The following CLVS1 variants were observed in gnomAD, a reference collection of about 807,000 sequenced individuals.
The protein encoded by CLVS1 is clavesin-1.
A neutral mutation model predicts 33.1 loss-of-function variants in CLVS1; 10 were observed. The ratio of observed to expected loss-of-function variants is 0.30; its 90% CI spans 0.19 to 0.51. The LOEUF is 0.51. CLVS1 is among the 20% of genes least tolerant of loss of function. The pLI is 0.97. For synonymous variants in CLVS1, 163 were observed against 166.1 expected (o/e 0.98, Z 0.14); for missense variants, 343 against 433.4 (o/e 0.79, Z 1.85).
intron 3 of CLVS1, among the ~76,000 whole-genome samples, chr8:61,433,730 A>G (rs757269486): frequency 2.0e-5 from 3 of 151,972 alleles, no homozygotes; most frequent in Admixed American, 6.6e-5. Flanking sequence ...CCTGGCCAAC[A>G]TGGTGAAACC....
intron 3 of CLVS1, among the ~76,000 whole-genome samples, chr8:61,441,122 T>C (rs527475063): frequency 3.0e-4 from 46 of 152,322 alleles, no homozygotes; most frequent in African/African-American, 1.1e-3. Context: ...GAAACCCACT[T>C]ATGCTGCTGA....
chr8:61,135,089 T>C (rs56031720), intron 2 of CLVS1, among the ~76,000 whole-genome samples: 2 of 151,272 alleles, frequency 1.3e-5, no homozygotes, highest in African/African-American at 4.9e-5. Flanking sequence ...AAAAAGGAGA[T>C]GGAAACAGGA....
chr8:61,453,142 A>G (rs1376264465), intron 3 of CLVS1, among the ~76,000 whole-genome samples: 1 of 151,890 alleles, frequency 6.6e-6, no homozygotes, highest in Non-Finnish European at 1.5e-5. Context: ...TGTTTGTGGC[A>G]ATGAAATTGA....
At chr8:61,077,420 A>C (rs1237169675) in intron 1 of CLVS1, among the ~76,000 whole-genome samples, 1 of 149,758 alleles carries the variant, frequency 6.7e-6, no homozygotes, top group Non-Finnish European at 1.5e-5. Context: ...TAAGCTCTTA[A>C]AGTCAAGGGA....
At chr8:61,075,320 A>G (rs1179784116) in intron 1 of CLVS1, among the ~76,000 whole-genome samples, 1 of 152,232 alleles carries the variant, frequency 6.6e-6, no homozygotes, top group Non-Finnish European at 1.5e-5. Context: ...GATCCAAAAC[A>G]GGACCAAAAG....
At chr8:61,013,550 C>G in the CLVS1 span, among the ~76,000 whole-genome samples, 3 of 152,130 alleles carry the variant, frequency 2.0e-5, no homozygotes, top group African/African-American at 2.4e-5. Flanking sequence ...AAATTCAAAC[C>G]CTGATTTTTG....
intron 5 of CLVS1, among the ~76,000 whole-genome samples, chr8:61,490,961 C>CA (rs111874903): frequency 0.1 from 12,405 of 122,844 alleles, 595 homozygotes; most frequent in Non-Finnish European, 0.13. Flanking sequence ...ACTCCATCTC[C>CA]AAAAAAAAAA....
At chr8:60,980,903 A>C in the CLVS1 span, among the ~76,000 whole-genome samples, 12 of 150,740 alleles carry the variant, frequency 8.0e-5, no homozygotes, top group Non-Finnish European at 1.3e-4. Context: ...AAGCACCCTC[A>C]TAAGAGAGAG....
the CLVS1 span, among the ~76,000 whole-genome samples, chr8:61,051,282 C>T: frequency 3.3e-5 from 5 of 152,264 alleles, no homozygotes; most frequent in South Asian, 2.1e-4. Flanking sequence ...GGGCAACCCA[C>T]TCAACCCTCT....
intron 3 of CLVS1, among the ~76,000 whole-genome samples, chr8:61,418,913 A>G (rs1815545709): frequency 6.6e-6 from 1 of 152,318 alleles, no homozygotes; most frequent in East Asian, 1.9e-4. Flanking sequence ...CAACAATGTG[A>G]GGACCCAGGG....
intron 2 of CLVS1, among the ~76,000 whole-genome samples, chr8:61,339,707 GAGAA>G (rs879365924): frequency 4.0e-5 from 6 of 151,588 alleles, no homozygotes; most frequent in Admixed American, 2.6e-4. Context: ...GAGGGAGAGA[GAGAA>G]AGAGAGAAAG....
At chr8:61,377,614 T>C (rs2129601578) in intron 3 of CLVS1, 1 of 152,336 alleles carries the variant, frequency 6.6e-6, no homozygotes, top group East Asian at 1.9e-4. Flanking sequence ...CAAGTAGTCA[T>C]TACTCATGCT....
At chr8:61,273,265 C>G (rs375703052) in intron 2 of CLVS1, among the ~76,000 whole-genome samples, 8 of 152,202 alleles carry the variant, frequency 5.3e-5, no homozygotes, top group Admixed American at 2.0e-4. Context: ...AGGTGTCAGT[C>G]TGCCCCTGCT....
In CLVS1 at chr8:61,474,947, T is replaced by A. The variant is rs547395740; in HGVS notation, c.977+16405T>A. Among the ~76,000 whole-genome samples, 148 of 152,310 alleles carry A rather than the reference T, an allele frequency of 9.7e-4. 1 individual carries two copies. Among genetic ancestry groups the A allele is most frequent in the African/African-American group, 3.3e-3 (137 of 41,572 alleles). ...ATCTCCTAATGCTATCCCTCCCCAC[T>A]GCCCTCACCCCACAACAGGCCCCAG... On this transcript the variant is annotated intron_variant, in intron 5 of 5. Transcript: ENST00000325897.
At chr8:61,236,261 T>TGA (rs1459171551) in intron 2 of CLVS1, among the ~76,000 whole-genome samples, 1 of 152,116 alleles carries the variant, frequency 6.6e-6, no homozygotes, top group Admixed American at 6.5e-5. Context: ...GAGGAGTGAA[T>TGA]GAGAGCCACA....
At chr8:61,098,720 T>A (rs1206304660) in intron 1 of CLVS1, among the ~76,000 whole-genome samples, 2 of 152,020 alleles carry the variant, frequency 1.3e-5, no homozygotes, top group African/African-American at 4.8e-5. Context: ...TGAGTCAGAG[T>A]TGGGTAGAGA....
chr8:61,063,690 T>C (rs902630917), intron 1 of CLVS1, among the ~76,000 whole-genome samples: 5 of 152,222 alleles, frequency 3.3e-5, no homozygotes, highest in Non-Finnish European at 5.9e-5. Context: ...TTAAAAACGT[T>C]CTCAAGCTTT....
At chr8:61,334,759 A>C (rs1425893963) in intron 2 of CLVS1, among the ~76,000 whole-genome samples, 1 of 152,170 alleles carries the variant, frequency 6.6e-6, no homozygotes, top group Non-Finnish European at 1.5e-5. Context: ...GGATCTGTCC[A>C]GGTGGGAACA....
At chr8:61,413,554 G>T (rs2129604187) in intron 3 of CLVS1, among the ~76,000 whole-genome samples, 1 of 152,306 alleles carries the variant, frequency 6.6e-6, no homozygotes. Flanking sequence ...TCCAGTGGTG[G>T]CAGGCCGGGC....
Sources: gnomAD v4.1 joint callset for allele counts (sites outside exome capture counted in the v4.1 genomes callset) on GRCh38, gnomAD v4.1.1 for gene constraint, MANE v1.5 for transcripts, NCBI Gene and HGNC (gene_info 2026-07-23, HGNC 2026-07-21) for gene names.